Variants in PDE11A observed in about 807,000 individuals in gnomAD.
The protein encoded by PDE11A is dual 3',5'-cyclic-AMP and -GMP phosphodiesterase 11A.
In PDE11A, 100 loss-of-function variants were observed where a neutral mutation model predicts 100.5. That is an observed-to-expected ratio of 1.00 (90% CI 0.85 to 1.18). PDE11A has a LOEUF of 1.18. PDE11A is among the 50% of genes most tolerant of loss of function. PDE11A has a pLI of 0.00. For missense variants in PDE11A, 1,141 were observed against 1,152.6 expected (o/e 0.99, Z 0.15); for synonymous variants, 381 against 420.8 (o/e 0.91, Z 1.16).
intron 4 of PDE11A, among the ~76,000 whole-genome samples, chr2:177,891,039 A>T (rs1194986298): frequency 6.6e-6 from 1 of 152,216 alleles, no homozygotes; most frequent in Non-Finnish European, 1.5e-5. Context: ...TTACATTTTC[A>T]CTACTATAGG....
chr2:178,076,314 T>C (rs562938147), upstream of PDE11A, among the ~76,000 whole-genome samples: 25 of 152,308 alleles, frequency 1.6e-4, no homozygotes, highest in African/African-American at 6.0e-4. Context: ...ATATAAGTAT[T>C]TATTTCTTTA....
At chr2:177,749,594 C>T (rs1224057643) in intron 10 of PDE11A, among the ~76,000 whole-genome samples, 1 of 152,014 alleles carries the variant, frequency 6.6e-6, no homozygotes, top group Non-Finnish European at 1.5e-5. Context: ...CTCCAGCCAA[C>T]TTTCTCAGGC....
chr2:177,822,124 G>A (rs970742176), intron 6 of PDE11A, among the ~76,000 whole-genome samples: 2 of 151,696 alleles, frequency 1.3e-5, no homozygotes, highest in Admixed American at 6.6e-5. Flanking sequence ...TAAATTTATG[G>A]TCAGTATTTT....
At position 178,072,536 on chromosome 2, in the gene PDE11A, T is replaced by C; in HGVS notation, c.-99A>G. 1.3e-6 allele frequency: 2 copies of C among 1,564,940 alleles called. No individual in the cohort carries two copies. Among genetic ancestry groups the C allele is most frequent in the Non-Finnish European group, 1.7e-6 (2 of 1,162,274 alleles). On this transcript the variant is annotated 5_prime_UTR_variant, in exon 1 of 20. Transcript: ENST00000286063. ...CTGCACATGTTCACCCCCACCAGTA[T>C]TCCCAGTTCAGCGCCACCTCCCCTG... is the stretch of plus-strand genomic sequence containing the variant.
At chr2:178,090,112 C>G (rs2087403504) in intron 2 of PDE11A, among the ~76,000 whole-genome samples, 2 of 152,152 alleles carry the variant, frequency 1.3e-5, no homozygotes, top group African/African-American at 4.8e-5. Flanking sequence ...TTGTGACCAG[C>G]CCTAACTGAG....
intron 5 of PDE11A, among the ~76,000 whole-genome samples, chr2:177,843,187 T>A (rs1219663697): frequency 1.3e-5 from 2 of 152,242 alleles, no homozygotes; most frequent in African/African-American, 2.4e-5. Flanking sequence ...TGCTTCTCTA[T>A]ATTTTATAGA....
chr2:178,079,735 A>G (rs1660235166), intron 2 of PDE11A, among the ~76,000 whole-genome samples: 3 of 152,162 alleles, frequency 2.0e-5, no homozygotes, highest in Non-Finnish European at 4.4e-5. Flanking sequence ...ACAAAGGTTA[A>G]ACTAATTTAC....
intron 2 of PDE11A, among the ~76,000 whole-genome samples, chr2:177,963,530 A>G (rs2085661217): frequency 6.6e-6 from 1 of 152,200 alleles, no homozygotes; most frequent in African/African-American, 2.4e-5. Context: ...TGGAGTGAAT[A>G]GATCCACTCT....
chr2:177,758,084 C>G (rs1380696625), intron 10 of PDE11A, among the ~76,000 whole-genome samples: 2 of 150,950 alleles, frequency 1.3e-5, no homozygotes, highest in African/African-American at 4.9e-5. Context: ...ATCACAAGGT[C>G]AGGAGATCGA....
At chr2:177,906,778 C>T (rs1224303346) in intron 2 of PDE11A, among the ~76,000 whole-genome samples, 1 of 152,174 alleles carries the variant, frequency 6.6e-6, no homozygotes, top group African/African-American at 2.4e-5. Flanking sequence ...CATAAAGCTG[C>T]CAGATATTCC....
chr2:178,019,466 C>A (rs1365690273), intron 1 of PDE11A, among the ~76,000 whole-genome samples: 1 of 151,832 alleles, frequency 6.6e-6, no homozygotes, highest in Non-Finnish European at 1.5e-5. Flanking sequence ...AAAATATATT[C>A]TATGAAATAA....
chr2:177,734,039 G>A (rs1561319), intron 10 of PDE11A, among the ~76,000 whole-genome samples: 104,178 of 152,130 alleles, frequency 0.68, 38,093 homozygotes, highest in East Asian at 0.86. Flanking sequence ...GCCAAGCGAG[G>A]GTCCCCCTTT....
chr2:177,888,664 C>T, intron 4 of PDE11A: 1 of 969,214 alleles, frequency 1.0e-6, no homozygotes. Context: ...CATGTCAGGA[C>T]TTTAAGGCCC....
At chr2:177,707,582 T>C (rs2105419088) in intron 13 of PDE11A, among the ~76,000 whole-genome samples, 1 of 152,340 alleles carries the variant, frequency 6.6e-6, no homozygotes, top group Middle Eastern at 3.4e-3. Flanking sequence ...TCTTGTTTTT[T>C]TCATCCGCTT....
chr2:177,789,341 CT>C (rs1245426523), intron 9 of PDE11A, among the ~76,000 whole-genome samples: 1 of 151,956 alleles, frequency 6.6e-6, no homozygotes, highest in African/African-American at 2.4e-5. Flanking sequence ...TTCAACAATG[CT>C]TCATGCTAAA....
At position 178,042,826 on chromosome 2, in the gene PDE11A, C is replaced by A. The variant is rs570027196; in HGVS notation, c.913-28366G>T. On this transcript the variant is annotated intron_variant, in intron 1 of 19. Coordinates refer to ENST00000286063, the MANE Select transcript of PDE11A (RefSeq NM_016953.4). ...CAGAAGTTAAAAACAAACAAACAAA[C>A]AAAAACCCTACACTTAGGGGCAAGA... Among the ~76,000 whole-genome samples the A allele has an allele frequency of 7.8e-4, 111 of 142,108 alleles. 1 individual carries two copies. Among genetic ancestry groups the A allele is most frequent in the Middle Eastern group, 3.6e-3 (1 of 274 alleles). The allele number at this position is 142,108 out of a possible 152,430, so 93.2% of individuals were successfully genotyped here. A position where few individuals can be genotyped will look rare whatever the true frequency, so the allele number is the denominator to read the frequency against.
chr2:178,018,339 C>T (rs1243477303), intron 1 of PDE11A: 12 of 204,776 alleles, frequency 5.9e-5, no homozygotes, highest in Admixed American at 1.9e-4. Flanking sequence ...TCTATGCAGA[C>T]GCATCACGGA....
rs956174188 is a variant in PDE11A at position 177,875,752 on chromosome 2, G to T, written c.1367+107C>A. On this transcript the variant is annotated intron_variant, in intron 5 of 19. Transcript: ENST00000286063. ...TACAGAAGAGTCACGATATTTGGTTGTGCTTGCTAATATAAAGAACTACTA... is the reference window on the plus strand; with the variant it reads ...TACAGAAGAGTCACGATATTTGGTTTTGCTTGCTAATATAAAGAACTACTA... 1.1e-4 allele frequency: 82 copies of T among 775,370 alleles called. 1 individual carries two copies. In the Middle Eastern group the frequency reaches 3.8e-3, roughly 36 times the overall value. The allele number at this position is 775,370 out of a possible 1,614,324, so 48.0% of individuals were successfully genotyped here.
At chr2:177,914,087 AT>A (rs2084919533) in intron 2 of PDE11A, among the ~76,000 whole-genome samples, 1 of 152,094 alleles carries the variant, frequency 6.6e-6, no homozygotes, top group Non-Finnish European at 1.5e-5. Context: ...ATCAGTACTC[AT>A]TTTTGTATTA....
Sources: gnomAD v4.1 joint callset for allele counts (sites outside exome capture counted in the v4.1 genomes callset) on GRCh38, gnomAD v4.1.1 for gene constraint, MANE v1.5 for transcripts, NCBI Gene and HGNC (gene_info 2026-07-23, HGNC 2026-07-21) for gene names.